Variants in UNC5D observed in about 807,000 individuals in gnomAD.
The protein encoded by UNC5D is unc-5 netrin receptor D.
UNC5D carries 39 observed loss-of-function variants against 105.4 expected under a neutral mutation model. The ratio of observed to expected loss-of-function variants is 0.37; its 90% confidence interval spans 0.29 to 0.48. The LOEUF (loss-of-function observed/expected upper bound fraction) is 0.48, where lower values mean the gene tolerates loss of function less well. Ranked by LOEUF, UNC5D falls within the 20% of genes least tolerant of loss-of-function variation. The probability of loss-of-function intolerance (pLI) is 0.98; values close to 1 mark genes in which losing one functional copy is unlikely to be tolerated. For synonymous variants in UNC5D, 452 were observed against 450.4 expected (o/e 1.00, Z -0.04); for missense variants, 991 against 1,202.4 (o/e 0.82, Z 2.60).
intron 8 of UNC5D, among the ~76,000 whole-genome samples, chr8:35,714,296 T>C (rs1308601674): frequency 6.6e-6 from 1 of 151,900 alleles, no homozygotes; most frequent in Non-Finnish European, 1.5e-5. Context: ...TAAGAATGAG[T>C]GATAATGATG....
chr8:35,659,472 G>A (rs1199016605), intron 4 of UNC5D, among the ~76,000 whole-genome samples: 1 of 152,212 alleles, frequency 6.6e-6, no homozygotes, highest in Non-Finnish European at 1.5e-5. Context: ...TTGTGGGTAT[G>A]GTAGAGGTTT....
intron 1 of UNC5D, among the ~76,000 whole-genome samples, chr8:35,487,593 A>ACACACACACACACACCCCCC (rs1415748793): frequency 6.6e-6 from 1 of 150,472 alleles, no homozygotes; most frequent in African/African-American, 2.5e-5. Context: ...ACACACACAC[A>ACACACACACACACACCCCCC]CCCCACAGAC....
intron 13 of UNC5D, among the ~76,000 whole-genome samples, chr8:35,756,973 T>C (rs1305582061): frequency 6.6e-6 from 1 of 152,174 alleles, no homozygotes; most frequent in Non-Finnish European, 1.5e-5. Context: ...GGCTTTAATA[T>C]GGTCTTAATA....
chr8:35,359,661 C>T (rs1308438061), intron 1 of UNC5D, among the ~76,000 whole-genome samples: 1 of 152,212 alleles, frequency 6.6e-6, no homozygotes, highest in African/African-American at 2.4e-5. Flanking sequence ...CTTATATATT[C>T]TCTAGCCCCT....
intron 3 of UNC5D, among the ~76,000 whole-genome samples, chr8:35,583,679 A>G (rs1818596919): frequency 6.6e-6 from 1 of 152,188 alleles, no homozygotes; most frequent in Admixed American, 6.5e-5. Context: ...GTGAGTTATC[A>G]GTGTATTTTC....
Position 35,792,847 on chromosome 8 carries a change from A to T in UNC5D, c.*2284A>T. 5.8e-6 allele frequency: 2 copies of T among 344,492 alleles called. No homozygotes were observed. Among genetic ancestry groups the T allele is most frequent in the East Asian group, 8.0e-5 (1 of 12,566 alleles). 21.3% of individuals were successfully genotyped at this position (344,492 alleles called of 1,614,324 possible). On this transcript the variant is annotated 3_prime_UTR_variant, in exon 17 of 17. Coordinates refer to ENST00000404895, the MANE Select transcript of UNC5D (RefSeq NM_080872.4). ...GTCTTTTTTTTTAGATGTTTGATAC[A>T]TTTTAAGTATTTTTAAATAGATGAA... is the stretch of plus-strand genomic sequence containing the variant.
At chr8:35,497,054 C>A (rs1811648700) in intron 1 of UNC5D, among the ~76,000 whole-genome samples, 1 of 152,088 alleles carries the variant, frequency 6.6e-6, no homozygotes, top group African/African-American at 2.4e-5. Flanking sequence ...CCCAGAAGCC[C>A]TCATAGGGAA....
At chr8:35,382,296 C>G (rs1038986018) in intron 1 of UNC5D, among the ~76,000 whole-genome samples, 2 of 152,172 alleles carry the variant, frequency 1.3e-5, no homozygotes, top group Admixed American at 6.5e-5. Flanking sequence ...TGATATGTAA[C>G]TCAGGCCAGA....
chr8:35,385,398 G>A (rs1563365562), intron 1 of UNC5D, among the ~76,000 whole-genome samples: 1 of 151,586 alleles, frequency 6.6e-6, no homozygotes, highest in Non-Finnish European at 1.5e-5. Flanking sequence ...CTCATAATGG[G>A]GATGGTTACT....
chr8:35,729,380 G>A (rs1829067184), intron 10 of UNC5D, among the ~76,000 whole-genome samples: 1 of 152,172 alleles, frequency 6.6e-6, no homozygotes, highest in African/African-American at 2.4e-5. Flanking sequence ...TCTTCATGAT[G>A]TGTTTATTGG....
chr8:35,619,803 C>A (rs577429143), intron 4 of UNC5D, among the ~76,000 whole-genome samples: 3 of 152,310 alleles, frequency 2.0e-5, no homozygotes, highest in Non-Finnish European at 2.9e-5. Context: ...TGACCACAGT[C>A]CCCGGACTCC....
intron 1 of UNC5D, among the ~76,000 whole-genome samples, chr8:35,505,212 C>G (rs1254359662): frequency 6.6e-6 from 1 of 152,106 alleles, no homozygotes; most frequent in African/African-American, 2.4e-5. Flanking sequence ...TTATGATGAC[C>G]TGTTTTCTAA....
At chr8:35,609,927 C>CA (rs1820562286) in intron 4 of UNC5D, among the ~76,000 whole-genome samples, 1 of 152,156 alleles carries the variant, frequency 6.6e-6, no homozygotes, top group Non-Finnish European at 1.5e-5. Flanking sequence ...GGGGCATGTC[C>CA]AAATTCTGTT....
At chr8:35,713,930 G>A (rs1035221077) in intron 8 of UNC5D, among the ~76,000 whole-genome samples, 10 of 152,226 alleles carry the variant, frequency 6.6e-5, no homozygotes, top group Admixed American at 3.9e-4. Flanking sequence ...AGTGTCTTGA[G>A]CAGTGAAAGA....
intron 1 of UNC5D, among the ~76,000 whole-genome samples, chr8:35,262,426 G>A (rs1242730384): frequency 6.6e-6 from 1 of 152,082 alleles, no homozygotes; most frequent in Non-Finnish European, 1.5e-5. Flanking sequence ...TTTCATATTA[G>A]GTTCAATTTC....
At chr8:35,555,163 C>A (rs1218416828) in intron 2 of UNC5D, among the ~76,000 whole-genome samples, 1 of 152,190 alleles carries the variant, frequency 6.6e-6, no homozygotes, top group Non-Finnish European at 1.5e-5. Flanking sequence ...GTTTTATTGA[C>A]AGTTTGTGGG....
At chr8:35,596,910 G>T (rs562129812) in intron 4 of UNC5D, among the ~76,000 whole-genome samples, 12 of 152,092 alleles carry the variant, frequency 7.9e-5, no homozygotes, top group Non-Finnish European at 1.6e-4. Context: ...TGATTTGGGG[G>T]CCCCAAGGTT....
At chr8:35,408,525 T>C (rs1425758917) in intron 1 of UNC5D, among the ~76,000 whole-genome samples, 1 of 151,002 alleles carries the variant, frequency 6.6e-6, no homozygotes, top group African/African-American at 2.4e-5. Context: ...ACTTGGACAA[T>C]TGGCCCCTAT....
At chr8:35,360,912 A>G (rs1358990523) in intron 1 of UNC5D, among the ~76,000 whole-genome samples, 1 of 152,156 alleles carries the variant, frequency 6.6e-6, no homozygotes, top group African/African-American at 2.4e-5. Context: ...TGATTGGAAC[A>G]CTATTGCAAA....
Sources: gnomAD v4.1 joint callset for allele counts (sites outside exome capture counted in the v4.1 genomes callset) on GRCh38, gnomAD v4.1.1 for gene constraint, MANE v1.5 for transcripts, NCBI Gene and HGNC (gene_info 2026-07-23, HGNC 2026-07-21) for gene names.